SPTBN1: variants seen among roughly 807,000 people sequenced by gnomAD.
SPTBN1 encodes spectrin beta, non-erythrocytic 1.
A neutral mutation model predicts 266.4 loss-of-function variants in SPTBN1; 32 were observed. That is an observed-to-expected ratio of 0.12 (90% CI 0.09 to 0.16). The LOEUF is 0.16. SPTBN1 is among the 10% of genes least tolerant of loss of function. SPTBN1 has a pLI of 1.00. For synonymous variants in SPTBN1, 1,336 were observed against 1,162.2 expected, an observed-to-expected ratio of 1.15 and a Z score of -3.04; for missense variants, 2,296 against 3,067.1, an observed-to-expected ratio of 0.75 and a Z score of 5.94.
chr2:54,481,875 T>G (rs914855558), intron 1 of SPTBN1, among the ~76,000 whole-genome samples: 3 of 152,210 alleles, frequency 2.0e-5, no homozygotes, highest in African/African-American at 7.2e-5. Context: ...ATATAAAGAT[T>G]GATACTAGCC....
chr2:54,477,352 A>G (rs943580922), intron 1 of SPTBN1, among the ~76,000 whole-genome samples: 5 of 151,900 alleles, frequency 3.3e-5, no homozygotes, highest in Admixed American at 6.6e-5. Context: ...AAAACTTGAT[A>G]AAGACTAAAC....
intron 24 of SPTBN1, 49 bp downstream of exon 24, chr2:54,647,310 T>C (rs1679988553): frequency 1.3e-6 from 2 of 1,598,696 alleles, no homozygotes; most frequent in Non-Finnish European, 1.7e-6. Flanking sequence ...TTCCTCTCAG[T>C]TAGGGTCTCT....
intron 2 of SPTBN1, chr2:54,529,849 CACCA>C: frequency 1.1e-5 from 1 of 87,666 alleles, no homozygotes; most frequent in Non-Finnish European, 1.9e-5. Flanking sequence ...TATCTCTTTT[CACCA>C]AAAAAAAAAA....
At chr2:54,594,006 T>C (rs1004609435) in intron 2 of SPTBN1, among the ~76,000 whole-genome samples, 1 of 151,986 alleles carries the variant, frequency 6.6e-6, no homozygotes, top group African/African-American at 2.4e-5. Flanking sequence ...CTAATTTTTG[T>C]ATTTTTAGTA....
At position 54,612,215 on chromosome 2, in the gene SPTBN1, G is replaced by A. The variant is rs1677266365; in HGVS notation, c.355G>A (p.Ala119Thr). ...RIHCLENVDK[A>T]LQFLKEQRVH... ...CCACTGCTTAGAGAATGTGGACAAG[G>A]CCCTTCAGTTCCTGAAGGAGCAGAG... The change falls in exon 4 of 36, where the codon GCC (alanine) becomes ACC (threonine). Residue 119 changes from alanine (A) to threonine (T), a missense_variant. This residue lies in a region of SPTBN1 where 178 missense variants were observed against 375.7 expected (regional missense o/e 0.47). Transcript: ENST00000356805. 3 of 1,613,670 alleles carry A rather than the reference G, an allele frequency of 1.9e-6. No homozygotes were observed. Among genetic ancestry groups the A allele is most frequent in the Admixed American group, 1.7e-5 (1 of 59,960 alleles).
At chr2:54,582,164 A>G (rs1040059728) in intron 2 of SPTBN1, among the ~76,000 whole-genome samples, 1 of 152,220 alleles carries the variant, frequency 6.6e-6, no homozygotes, top group African/African-American at 2.4e-5. Context: ...GCTCAAATAC[A>G]TTAATGCAAA....
rs975088707 is a variant in SPTBN1, at chr2:54,646,681, A to G, written c.4866+206A>G. On this transcript the variant is annotated intron_variant, in intron 23 of 35. Coordinates refer to ENST00000356805, the MANE Select transcript of SPTBN1 (RefSeq NM_003128.3). This position sits in a 1 kb window ranked among gnomAD's most constrained non-coding sequence, Gnocchi z 4.4. ...TTTCTTATCTGAATCCTAGTGTGCCATTAAGAACAGGTTCATCCTTTCATC... is the reference window on the plus strand; with the variant it reads ...TTTCTTATCTGAATCCTAGTGTGCCGTTAAGAACAGGTTCATCCTTTCATC... 1.3e-5 allele frequency among the ~76,000 whole-genome samples: 2 copies of G among 152,230 alleles called. No individual in the cohort carries two copies. Among genetic ancestry groups the G allele is most frequent in the Non-Finnish European group, 2.9e-5 (2 of 68,038 alleles).
chr2:54,643,538 G>A (rs1169154009), intron 19 of SPTBN1, among the ~76,000 whole-genome samples: 1 of 152,120 alleles, frequency 6.6e-6, no homozygotes. Context: ...TGAGACTACT[G>A]TATACCAGGC....
chr2:54,580,652 G>C (rs958697261), intron 2 of SPTBN1, among the ~76,000 whole-genome samples: 1 of 151,458 alleles, frequency 6.6e-6, no homozygotes, highest in Non-Finnish European at 1.5e-5. Flanking sequence ...TTTATTGATA[G>C]AATGGGAAAC....
intron 3 of SPTBN1, among the ~76,000 whole-genome samples, chr2:54,603,150 G>T (rs1267621243): frequency 6.6e-5 from 10 of 152,158 alleles, no homozygotes; most frequent in Non-Finnish European, 1.5e-4. Flanking sequence ...AGGATGTCAA[G>T]AAACCTTAGT....
Position 54,668,442 on chromosome 2 carries a change from C to T in SPTBN1, c.6968C>T (p.Ser2323Phe). 6.2e-7 allele frequency: 1 copy of T among 1,614,222 alleles called. No individual in the cohort carries two copies. The highest frequency in any genetic ancestry group is 2.2e-5 in the East Asian group (1 of 44,890). The change falls in exon 36 of 36, where the codon TCC (serine) becomes TTC (phenylalanine). Residue 2323 changes from serine (S) to phenylalanine (F), a missense_variant. Coordinates refer to ENST00000356805, the MANE Select transcript of SPTBN1 (RefSeq NM_003128.3). ...VSASTQSTPA[S>F]SRAQTLPTSV... ...GCCAGCACCCAGAGCACGCCAGCAT[C>T]CAGCCGCGCGCAGACCCTCCCCACC...
chr2:54,524,601 C>T (rs960307713), intron 1 of SPTBN1, among the ~76,000 whole-genome samples: 3 of 152,176 alleles, frequency 2.0e-5, no homozygotes, highest in Admixed American at 2.0e-4. Context: ...CCATTATTGC[C>T]GCCTAGAATC....
chr2:54,489,312 C>T (rs1451118270), intron 1 of SPTBN1, among the ~76,000 whole-genome samples: 4 of 150,734 alleles, frequency 2.7e-5, no homozygotes, highest in Admixed American at 6.6e-5. Flanking sequence ...CAGAGTGAGA[C>T]CCTGTCTCAA....
chr2:54,638,321 A>G (rs1313810707), intron 18 of SPTBN1, among the ~76,000 whole-genome samples: 2 of 152,360 alleles, frequency 1.3e-5, no homozygotes, highest in East Asian at 1.9e-4. Context: ...GTACATTTCA[A>G]TGATATGGAA....
intron 2 of SPTBN1, among the ~76,000 whole-genome samples, chr2:54,548,895 C>T (rs567682890): frequency 1.3e-5 from 2 of 152,288 alleles, no homozygotes; most frequent in African/African-American, 4.8e-5. Flanking sequence ...ATGGTGCCAC[C>T]TCCCTCACAG....
At chr2:54,611,660 A>G (rs1027081516) in intron 3 of SPTBN1, among the ~76,000 whole-genome samples, 1 of 151,856 alleles carries the variant, frequency 6.6e-6, no homozygotes, top group African/African-American at 2.4e-5. Flanking sequence ...CCTTCACCCC[A>G]TCCCTCCACA....
intron 1 of SPTBN1, among the ~76,000 whole-genome samples, chr2:54,468,665 A>T (rs1434230210): frequency 6.6e-6 from 1 of 152,242 alleles, no homozygotes; most frequent in East Asian, 1.9e-4. Context: ...GAAAGAATTC[A>T]AAAATTTGTT....
intron 1 of SPTBN1, among the ~76,000 whole-genome samples, chr2:54,456,865 G>A (rs966999432): frequency 1.2e-4 from 18 of 151,484 alleles, no homozygotes; most frequent in African/African-American, 3.9e-4. Context: ...GCCTCCGCCG[G>A]CGCCTCCCTG....
intron 32 of SPTBN1, chr2:54,662,380 T>G: frequency 3.1e-6 from 3 of 965,432 alleles, no homozygotes; most frequent in Non-Finnish European, 3.7e-6. Context: ...GTTTGGGGTT[T>G]TCTCTTTCCT....
Sources: allele counts gnomAD v4.1 joint callset (sites outside exome capture counted in the v4.1 genomes callset), GRCh38; gene constraint gnomAD v4.1.1; regional missense constraint gnomAD v4.1.1; non-coding constraint Gnocchi (gnomAD v3.1); transcripts MANE v1.5; gene names NCBI Gene and HGNC (gene_info 2026-07-23, HGNC 2026-07-21).